The following ANOS1 variants were observed in gnomAD, a reference collection of about 807,000 sequenced individuals.
The protein encoded by ANOS1 is anosmin-1.
A neutral mutation model predicts 59.0 loss-of-function variants in ANOS1; 6 were observed. That is an observed-to-expected ratio of 0.10 (90% CI 0.06 to 0.20). The LOEUF is 0.20. ANOS1 is among the 10% of genes least tolerant of loss of function. ANOS1 has a pLI of 1.00. For synonymous variants in ANOS1, 217 were observed against 223.4 expected, an observed-to-expected ratio of 0.97 and a Z score of 0.25; for missense variants, 433 against 542.3, an observed-to-expected ratio of 0.80 and a Z score of 2.00.
chrX:8,539,606 A>G (rs1024129556), intron 10 of ANOS1, 58 bp downstream of exon 10: 5 of 1,206,261 alleles, frequency 4.1e-6, no homozygotes, highest in African/African-American at 3.5e-5. Flanking sequence ...TCTAGTTTGT[A>G]CATCCTCCTG....
In ANOS1 at chrX:8,654,426, A is replaced by T. The variant is rs1931897866; in HGVS notation, c.256-30756T>A. 5.3e-5 allele frequency among the ~76,000 whole-genome samples: 6 copies of T among 112,524 alleles called. No homozygotes were observed. In the Admixed American group the frequency reaches 5.7e-4, roughly 11 times the overall value. On this transcript the variant is annotated intron_variant, in intron 2 of 13. Coordinates refer to ENST00000262648, the MANE Select transcript of ANOS1 (RefSeq NM_000216.4). ...ACCTGTACAGATATTTATCTCAGTA[A>T]CCAAATATGTTTTTGACCTACTGCT... is the stretch of plus-strand genomic sequence containing the variant.
At chrX:8,558,066 G>T (rs1027863548) in intron 8 of ANOS1, among the ~76,000 whole-genome samples, 1 of 109,924 alleles carries the variant, frequency 9.1e-6, no homozygotes, top group Non-Finnish European at 1.9e-5. Context: ...GCAAACTAAC[G>T]CAGGAACAGA....
At chrX:8,639,617 T>A (rs1248968513) in intron 2 of ANOS1, among the ~76,000 whole-genome samples, 1 of 112,247 alleles carries the variant, frequency 8.9e-6, no homozygotes. Flanking sequence ...AATGTATTCA[T>A]GTTTATAGAA....
In ANOS1 at chrX:8,554,096, C is replaced by T. The variant is rs190618510; in HGVS notation, c.1210G>A (p.Glu404Lys). 25 of 1,198,044 alleles carry T rather than the reference C, an allele frequency of 2.1e-5. No homozygotes were observed. In the East Asian group the frequency reaches 7.4e-4, roughly 36 times the overall value. The change falls in exon 9 of 14, where the codon GAA becomes AAA. Residue 404 changes from glutamate to lysine, a missense_variant and splice_region_variant. Coordinates refer to ENST00000262648, the MANE Select transcript of ANOS1 (RefSeq NM_000216.4). ...CCTTTTCTAGTTTTCACAAGCTGTT[C>T]TTCTACAACAAAGTACAACATTCTA... The part of the protein sequence containing the change: ...FTSTHATNNK[E>K]QLVKTRKGGI...
intron 1 of ANOS1, among the ~76,000 whole-genome samples, chrX:8,710,487 T>C (rs1386221754): frequency 8.9e-6 from 1 of 111,953 alleles, no homozygotes; most frequent in African/African-American, 3.2e-5. Flanking sequence ...CTCAAAATGT[T>C]TGTAAATGGT....
intron 1 of ANOS1, among the ~76,000 whole-genome samples, chrX:8,715,835 G>C (rs1438945951): frequency 1.8e-5 from 2 of 110,338 alleles, no homozygotes; most frequent in Non-Finnish European, 3.8e-5. Flanking sequence ...CCTAGGCTGT[G>C]ATCGTCCCTC....
chrX:8,664,586 C>T (rs962513978), intron 2 of ANOS1, among the ~76,000 whole-genome samples: 5 of 110,536 alleles, frequency 4.5e-5, no homozygotes, highest in African/African-American at 1.7e-4. Flanking sequence ...CGTGCATGCA[C>T]ACACACACAT....
At chrX:8,689,454 T>C (rs989094527) in intron 2 of ANOS1, among the ~76,000 whole-genome samples, 1 of 110,189 alleles carries the variant, frequency 9.1e-6, no homozygotes, top group African/African-American at 3.3e-5. Context: ...CCCAGCACTT[T>C]GGAAAGGCCG....
At chrX:8,722,108 G>A (rs1173068192) in intron 1 of ANOS1, among the ~76,000 whole-genome samples, 1 of 112,189 alleles carries the variant, frequency 8.9e-6, no homozygotes, top group Non-Finnish European at 1.9e-5. Context: ...TAGACCCTAA[G>A]TTCCTCATGT....
chrX:8,553,876 T>G (rs552292727), intron 9 of ANOS1, 76 bp downstream of exon 9: 1 of 1,004,374 alleles, frequency 1.0e-6, no homozygotes, highest in South Asian at 1.9e-5. Context: ...GGCTTGACAT[T>G]TACTTCTTCA....
chrX:8,724,745 T>C (rs1932899329), intron 1 of ANOS1, among the ~76,000 whole-genome samples: 1 of 112,083 alleles, frequency 8.9e-6, no homozygotes, highest in African/African-American at 3.2e-5. Context: ...TCACCTCTTT[T>C]AAAATATTTC....
chrX:8,537,050 T>C (rs1444429330), intron 10 of ANOS1, 108 bp from the exon 11 acceptor site: 83 of 667,180 alleles, frequency 1.2e-4, no homozygotes, highest in Admixed American at 4.0e-4. Context: ...TTTTCCTATA[T>C]AGTGTGTGCA....
At chrX:8,649,751 C>G (rs961569972) in intron 2 of ANOS1, among the ~76,000 whole-genome samples, 1 of 111,562 alleles carries the variant, frequency 9.0e-6, no homozygotes, top group Non-Finnish European at 1.9e-5. Context: ...TAAAATGGTG[C>G]TCCAACAAGT....
At chrX:8,729,933 T>A (rs974382850) in intron 1 of ANOS1, among the ~76,000 whole-genome samples, 1 of 110,579 alleles carries the variant, frequency 9.0e-6, no homozygotes, top group African/African-American at 3.3e-5. Flanking sequence ...CTTAACTGAG[T>A]AATTTGCAGC....
At chrX:8,644,286 C>G (rs1379240406) in intron 2 of ANOS1, among the ~76,000 whole-genome samples, 1 of 110,997 alleles carries the variant, frequency 9.0e-6, no homozygotes. Context: ...CCAAATAAAC[C>G]TGAAAAATTA....
chrX:8,650,161 T>C (rs1317337805), intron 2 of ANOS1, among the ~76,000 whole-genome samples: 1 of 112,341 alleles, frequency 8.9e-6, no homozygotes, highest in Non-Finnish European at 1.9e-5. Flanking sequence ...CCTCCTGGCA[T>C]TTCCAGGCAA....
chrX:8,545,915 G>T (rs1929765781), intron 9 of ANOS1, among the ~76,000 whole-genome samples: 1 of 112,402 alleles, frequency 8.9e-6, no homozygotes, highest in Non-Finnish European at 1.9e-5. Context: ...TCAACTCAGT[G>T]TGTCCACAAT....
chrX:8,623,328 G>A (rs1364607195), intron 3 of ANOS1, among the ~76,000 whole-genome samples: 2 of 111,531 alleles, frequency 1.8e-5, no homozygotes, highest in Non-Finnish European at 3.8e-5. Flanking sequence ...TGTAAGGTGG[G>A]AGGGTGGTGA....
At chrX:8,716,873 A>G (rs1038271478) in intron 1 of ANOS1, among the ~76,000 whole-genome samples, 1 of 112,079 alleles carries the variant, frequency 8.9e-6, no homozygotes, top group African/African-American at 3.2e-5. Context: ...AGAGACAGAC[A>G]CAGAGATAGA....
Sources: gnomAD v4.1 joint callset for allele counts (sites outside exome capture counted in the v4.1 genomes callset) on GRCh38, gnomAD v4.1.1 for gene constraint, MANE v1.5 for transcripts, NCBI Gene and HGNC (gene_info 2026-07-23, HGNC 2026-07-21) for gene names.